Variants in NDUFS4 observed in about 807,000 individuals in gnomAD.
NDUFS4 encodes NADH dehydrogenase [ubiquinone] iron-sulfur protein 4, mitochondrial.
A neutral mutation model predicts 24.3 loss-of-function variants in NDUFS4; 28 were observed. The ratio of observed to expected loss-of-function variants is 1.15; its 90% CI spans 0.85 to 1.58. The LOEUF (loss-of-function observed/expected upper bound fraction) is 1.58, where lower values mean the gene tolerates loss of function less well. Ranked by LOEUF, NDUFS4 falls within the 40% of genes most tolerant of loss-of-function variation. The pLI is 0.00. For missense variants in NDUFS4, 223 were observed against 207.9 expected, an observed-to-expected ratio of 1.07 and a Z score of -0.45; for synonymous variants, 93 against 69.7, an observed-to-expected ratio of 1.34 and a Z score of -1.67.
chr5:53,635,952 G>A (rs1484015628), intron 2 of NDUFS4, among the ~76,000 whole-genome samples: 1 of 152,110 alleles, frequency 6.6e-6, no homozygotes, highest in Non-Finnish European at 1.5e-5. Flanking sequence ...ACTACTATTA[G>A]GGAGAAAATC....
At chr5:53,635,212 T>TAAATAAATAAATAAATAACC (rs1554058363) in intron 2 of NDUFS4, among the ~76,000 whole-genome samples, 38 of 151,042 alleles carry the variant, frequency 2.5e-4, no homozygotes, top group African/African-American at 9.3e-4. Context: ...AATAAATAAA[T>TAAATAAATAAATAAATAACC]AACCAACCAA....
chr5:53,644,825 C>T (rs979840508), intron 2 of NDUFS4, among the ~76,000 whole-genome samples: 3 of 151,978 alleles, frequency 2.0e-5, no homozygotes, highest in Non-Finnish European at 2.9e-5. Flanking sequence ...TAATTATTGA[C>T]GCAGGTGGAA....
intron 2 of NDUFS4, among the ~76,000 whole-genome samples, chr5:53,639,596 T>C (rs1234918555): frequency 6.6e-6 from 1 of 152,076 alleles, no homozygotes; most frequent in Non-Finnish European, 1.5e-5. Context: ...AGAGTTCACT[T>C]ACAAATTTTT....
At chr5:53,584,529 G>T (rs1749677341) in intron 1 of NDUFS4, among the ~76,000 whole-genome samples, 1 of 151,620 alleles carries the variant, frequency 6.6e-6, no homozygotes, top group African/African-American at 2.4e-5. Flanking sequence ...TAGTAGAGAC[G>T]GGGTTACACC....
intron 1 of NDUFS4, among the ~76,000 whole-genome samples, chr5:53,580,591 G>C (rs1343772027): frequency 1.3e-5 from 2 of 152,160 alleles, no homozygotes; most frequent in Non-Finnish European, 2.9e-5. Context: ...CTCAAATCCA[G>C]CATACCTGAA....
At chr5:53,580,909 C>T (rs771398218) in intron 1 of NDUFS4, among the ~76,000 whole-genome samples, 7 of 151,954 alleles carry the variant, frequency 4.6e-5, no homozygotes, top group South Asian at 2.1e-4. Flanking sequence ...TCTTGGCTCA[C>T]GGCAACCTCT....
chr5:53,570,821 T>C (rs1185194854), intron 1 of NDUFS4, among the ~76,000 whole-genome samples: 1 of 151,750 alleles, frequency 6.6e-6, no homozygotes, highest in Non-Finnish European at 1.5e-5. Flanking sequence ...GTAGCTGGTA[T>C]TACAGGTGCA....
At chr5:53,620,436 T>G (rs1750998501) in intron 2 of NDUFS4, among the ~76,000 whole-genome samples, 2 of 152,160 alleles carry the variant, frequency 1.3e-5, no homozygotes, top group South Asian at 4.1e-4. Context: ...ACTTACAAAT[T>G]TATGTATCAT....
chr5:53,667,833 C>T (rs554807778), intron 4 of NDUFS4, among the ~76,000 whole-genome samples: 1 of 152,296 alleles, frequency 6.6e-6, no homozygotes. Context: ...CTTTTAGAAG[C>T]ATATTTCTTC....
chr5:53,568,328 G>A (rs1393099202), intron 1 of NDUFS4, among the ~76,000 whole-genome samples: 1 of 151,970 alleles, frequency 6.6e-6, no homozygotes, highest in East Asian at 1.9e-4. Flanking sequence ...AGTAAGTTTA[G>A]GTTGAGGCTT....
chr5:53,655,912 A>T (rs888689248), intron 3 of NDUFS4, among the ~76,000 whole-genome samples: 3 of 152,170 alleles, frequency 2.0e-5, no homozygotes. Flanking sequence ...CCCCTGTAAC[A>T]GGCAGCTGCT....
intron 4 of NDUFS4, among the ~76,000 whole-genome samples, chr5:53,676,783 A>G (rs946851057): frequency 5.3e-5 from 8 of 152,352 alleles, no homozygotes; most frequent in Non-Finnish European, 5.9e-5. Flanking sequence ...ACAAATGACC[A>G]CAGAAGCACC....
At chr5:53,670,852 A>G in intron 4 of NDUFS4, among the ~76,000 whole-genome samples, 1 of 151,576 alleles carries the variant, frequency 6.6e-6, no homozygotes, top group African/African-American at 2.4e-5. Context: ...GAGATACTAT[A>G]GTGTCCCTAT....
chr5:53,566,706 C>T (rs1017943596), intron 1 of NDUFS4, among the ~76,000 whole-genome samples: 1 of 152,108 alleles, frequency 6.6e-6, no homozygotes, highest in African/African-American at 2.4e-5. Context: ...TACTTTAAAT[C>T]ATCTCTGGAT....
intron 2 of NDUFS4, among the ~76,000 whole-genome samples, chr5:53,607,750 A>G (rs1018057103): frequency 6.6e-6 from 1 of 152,194 alleles, no homozygotes; most frequent in Non-Finnish European, 1.5e-5. Context: ...ACATATCTGT[A>G]TGATAATGAG....
chr5:53,658,473 CT>C (rs1307174440), intron 3 of NDUFS4, 77 bp from the exon 4 acceptor site: 1 of 921,712 alleles, frequency 1.1e-6, no homozygotes, highest in East Asian at 2.5e-5. Context: ...TTTATAGTAG[CT>C]GTTTATTTTA....
At chr5:53,680,516 A>G (rs111853476) in intron 4 of NDUFS4, among the ~76,000 whole-genome samples, 14,905 of 152,270 alleles carry the variant, frequency 0.098, 1,031 homozygotes, top group Admixed American at 0.2. Flanking sequence ...GTAGCCATAA[A>G]AAATGATGTT....
intron 2 of NDUFS4, among the ~76,000 whole-genome samples, chr5:53,635,856 CTT>C (rs1436088887): frequency 1.1e-4 from 17 of 151,544 alleles, no homozygotes; most frequent in East Asian, 2.0e-4. Context: ...AAAATTGTAT[CTT>C]ATATCATTTT....
At chr5:53,601,000 T>C (rs1245080793) in intron 1 of NDUFS4, among the ~76,000 whole-genome samples, 4 of 141,184 alleles carry the variant, frequency 2.8e-5, no homozygotes, top group Admixed American at 7.8e-5. Flanking sequence ...TTGTTTATAA[T>C]AAATTTTTTT....
Sources: gnomAD v4.1 joint callset for allele counts (sites outside exome capture counted in the v4.1 genomes callset) on GRCh38, gnomAD v4.1.1 for gene constraint, MANE v1.5 for transcripts, NCBI Gene and HGNC (gene_info 2026-07-23, HGNC 2026-07-21) for gene names.